RGL1: variants seen among roughly 807,000 people sequenced by gnomAD.
RGL1 encodes the protein ral guanine nucleotide dissociation stimulator-like 1.
In RGL1, 24 loss-of-function variants were observed where a neutral mutation model predicts 95.2. The observed-to-expected ratio is 0.25, with a 90% confidence interval of 0.18 to 0.35. The LOEUF is 0.35. Among genes scored for constraint, RGL1 ranks in the 10% least tolerant of loss-of-function variants. The pLI is 1.00. For missense variants in RGL1, 715 were observed against 936.3 expected (o/e 0.76, Z 3.08); for synonymous variants, 329 against 344.9 (o/e 0.95, Z 0.51).
At chr1:183,690,964 T>C (rs1653912474) in intron 1 of RGL1, among the ~76,000 whole-genome samples, 1 of 152,188 alleles carries the variant, frequency 6.6e-6, no homozygotes, top group Non-Finnish European at 1.5e-5. Flanking sequence ...CTAATTGAGG[T>C]TTATGTTGTA....
intron 10 of RGL1, 59 bp from the exon 11 acceptor site, chr1:183,900,091 C>T: frequency 2.8e-6 from 4 of 1,431,416 alleles, no homozygotes; most frequent in Non-Finnish European, 3.9e-6. Context: ...TTGAAGATTC[C>T]TAAAACCCCT....
At chr1:183,827,746 C>A (rs927989895) in intron 2 of RGL1, among the ~76,000 whole-genome samples, 1 of 152,196 alleles carries the variant, frequency 6.6e-6, no homozygotes, top group South Asian at 2.1e-4. Context: ...ACGTTGGATA[C>A]AATAGCTGTG....
intron 4 of RGL1, among the ~76,000 whole-genome samples, chr1:183,879,785 A>C (rs143069854): frequency 6.6e-6 from 1 of 152,244 alleles, no homozygotes; most frequent in Non-Finnish European, 1.5e-5. Context: ...TTTATCCTTC[A>C]GCTATTTGTC....
intron 1 of RGL1, among the ~76,000 whole-genome samples, chr1:183,650,371 G>A (rs770622319): frequency 1.4e-4 from 21 of 151,958 alleles, no homozygotes; most frequent in Admixed American, 3.9e-4. Flanking sequence ...GTGAAACCCC[G>A]TCTCTACTAA....
chr1:183,687,157 A>T (rs2102098737), intron 1 of RGL1, among the ~76,000 whole-genome samples: 1 of 151,810 alleles, frequency 6.6e-6, no homozygotes, highest in South Asian at 2.1e-4. Flanking sequence ...TTACCTTTTT[A>T]TTTTTTTCAT....
intron 1 of RGL1, among the ~76,000 whole-genome samples, chr1:183,727,478 G>GT (rs777984065): frequency 7.9e-5 from 12 of 151,790 alleles, no homozygotes; most frequent in Non-Finnish European, 1.2e-4. Flanking sequence ...TTATTAAACT[G>GT]TTTTTTTTAA....
intron 2 of RGL1, among the ~76,000 whole-genome samples, chr1:183,840,683 C>T (rs56351718): frequency 0.13 from 20,038 of 151,086 alleles, 1,755 homozygotes; most frequent in Middle Eastern, 0.23. Flanking sequence ...GGCAATATAG[C>T]GAGGCCTTGT....
At chr1:183,666,315 CT>C (rs1360480372) in intron 1 of RGL1, among the ~76,000 whole-genome samples, 2 of 151,544 alleles carry the variant, frequency 1.3e-5, no homozygotes, top group Non-Finnish European at 2.9e-5. Flanking sequence ...CTAGGTCTTT[CT>C]TTTTTTCTAA....
At position 183,913,086 on chromosome 1, in the gene RGL1, A is replaced by G. The variant is rs1211742097; in HGVS notation, c.1749+818A>G. Among the ~76,000 whole-genome samples the G allele has an allele frequency of 2.0e-5, 3 of 152,244 alleles. No homozygotes were observed. The South Asian group carries it at 6.2e-4, about 32-fold the overall frequency. On this transcript the variant is annotated intron_variant, in intron 15 of 17. Transcript: ENST00000360851. ...AAGGAAACTGATGAGAGGTGATAAA[A>G]GAATTTCCGTCGAGTTTCTATTTTC...
intron 1 of RGL1, among the ~76,000 whole-genome samples, chr1:183,659,055 G>A (rs1651411341): frequency 6.6e-6 from 1 of 151,938 alleles, no homozygotes; most frequent in Non-Finnish European, 1.5e-5. Flanking sequence ...AAACCCATCT[G>A]TACATCACCA....
chr1:183,646,141 C>A (rs1650276417), intron 1 of RGL1, among the ~76,000 whole-genome samples: 2 of 152,030 alleles, frequency 1.3e-5, no homozygotes, highest in Admixed American at 6.5e-5. Context: ...ACTCAGTATC[C>A]CAAATTGTGG....
chr1:183,638,334 T>A (rs532282502), intron 1 of RGL1, among the ~76,000 whole-genome samples: 3 of 152,220 alleles, frequency 2.0e-5, no homozygotes, highest in Non-Finnish European at 4.4e-5. Flanking sequence ...AAAAATGTCC[T>A]TTTCTAATGC....
chr1:183,815,909 C>T (rs938249414), intron 2 of RGL1, among the ~76,000 whole-genome samples: 1 of 152,144 alleles, frequency 6.6e-6, no homozygotes, highest in African/African-American at 2.4e-5. Flanking sequence ...ACCTGGGTGG[C>T]TTTCTTACAT....
At chr1:183,776,723 G>A (rs1659624691) in intron 2 of RGL1, among the ~76,000 whole-genome samples, 1 of 152,184 alleles carries the variant, frequency 6.6e-6, no homozygotes, top group East Asian at 1.9e-4. Flanking sequence ...TGGAGCATAG[G>A]GTTCAAGATA....
intron 2 of RGL1, among the ~76,000 whole-genome samples, chr1:183,831,576 G>T (rs1663259923): frequency 6.6e-6 from 1 of 152,202 alleles, no homozygotes; most frequent in African/African-American, 2.4e-5. Context: ...CAGTCCAGCT[G>T]AGAGGTGATG....
chr1:183,681,671 A>G (rs1188084015), intron 1 of RGL1, among the ~76,000 whole-genome samples: 1 of 152,242 alleles, frequency 6.6e-6, no homozygotes. Flanking sequence ...CGTTGGTATC[A>G]GGATGATGCT....
intron 2 of RGL1, among the ~76,000 whole-genome samples, chr1:183,838,045 T>C (rs1476110486): frequency 6.6e-6 from 1 of 152,180 alleles, no homozygotes; most frequent in African/African-American, 2.4e-5. Context: ...GTGCAGGGGT[T>C]GGAGACCCTT....
At chr1:183,870,833 T>G (rs903947357) in intron 4 of RGL1, among the ~76,000 whole-genome samples, 3 of 152,212 alleles carry the variant, frequency 2.0e-5, no homozygotes, top group African/African-American at 7.2e-5. Flanking sequence ...TTGTGTCTCT[T>G]TTTATAAGTA....
At chr1:183,824,637 A>C (rs928254119) in intron 2 of RGL1, among the ~76,000 whole-genome samples, 1 of 152,192 alleles carries the variant, frequency 6.6e-6, no homozygotes, top group South Asian at 2.1e-4. Flanking sequence ...TCATTATACT[A>C]TTCACTTTCA....
Sources: allele counts gnomAD v4.1 joint callset (sites outside exome capture counted in the v4.1 genomes callset), GRCh38; gene constraint gnomAD v4.1.1; transcripts MANE v1.5; gene names NCBI Gene and HGNC (gene_info 2026-07-23, HGNC 2026-07-21).